STXBP5L: variants seen among roughly 807,000 people sequenced by gnomAD.
STXBP5L encodes syntaxin-binding protein 5-like.
A neutral mutation model predicts 144.5 loss-of-function variants in STXBP5L; 65 were observed. That is an observed-to-expected ratio of 0.45 (90% CI 0.37 to 0.55). The LOEUF (loss-of-function observed/expected upper bound fraction) is 0.55, where lower values mean the gene tolerates loss of function less well. STXBP5L is among the 20% of genes least tolerant of loss of function. The pLI, the probability that STXBP5L is intolerant of heterozygous loss-of-function variation, is 0.00. For missense variants in STXBP5L, 1,298 were observed against 1,405.5 expected, an observed-to-expected ratio of 0.92 and a Z score of 1.22; for synonymous variants, 505 against 469.6, an observed-to-expected ratio of 1.08 and a Z score of -0.97.
chr3:120,997,112 G>T (rs1310781657), intron 3 of STXBP5L, among the ~76,000 whole-genome samples: 2 of 149,500 alleles, frequency 1.3e-5, no homozygotes, highest in Admixed American at 6.9e-5. Flanking sequence ...CCATGTTACT[G>T]CAAAGGAAAT....
intron 5 of STXBP5L, among the ~76,000 whole-genome samples, chr3:121,108,027 T>C (rs1397446558): frequency 6.6e-6 from 1 of 152,190 alleles, no homozygotes. Context: ...CTGTTGTTGG[T>C]ATATAGGAAT....
At chr3:121,261,879 C>A (rs1009854778) in intron 18 of STXBP5L, among the ~76,000 whole-genome samples, 16 of 152,120 alleles carry the variant, frequency 1.1e-4, no homozygotes, top group African/African-American at 2.7e-4. Flanking sequence ...AACAAAATAT[C>A]TTACAAATTG....
chr3:121,024,829 A>T (rs1945810447), intron 3 of STXBP5L, among the ~76,000 whole-genome samples: 1 of 152,176 alleles, frequency 6.6e-6, no homozygotes. Context: ...AGACAACAAA[A>T]ATAGTGCATA....
intron 5 of STXBP5L, among the ~76,000 whole-genome samples, chr3:121,104,874 T>TA (rs1263963577): frequency 3.3e-5 from 5 of 151,860 alleles, no homozygotes; most frequent in Non-Finnish European, 7.4e-5. Flanking sequence ...AAAAGAAAGA[T>TA]AAATAGATGG....
chr3:121,018,079 AAATGAATG>A (rs767430655), intron 3 of STXBP5L, among the ~76,000 whole-genome samples: 3 of 148,980 alleles, frequency 2.0e-5, no homozygotes, highest in Non-Finnish European at 4.4e-5. Context: ...GCCCTTTTTC[AAATGAATG>A]AATGAATGAA....
intron 8 of STXBP5L, 95 bp downstream of exon 8, chr3:121,152,655 T>C: frequency 1.1e-6 from 1 of 874,886 alleles, no homozygotes; most frequent in Admixed American, 3.0e-5. Flanking sequence ...TGTTTAGCCT[T>C]GGAAAGTTGC....
intron 9 of STXBP5L, among the ~76,000 whole-genome samples, chr3:121,165,666 G>C (rs944222234): frequency 2.0e-5 from 3 of 151,986 alleles, no homozygotes; most frequent in Non-Finnish European, 4.4e-5. Context: ...AGGGAAACAA[G>C]GACTCTCAGC....
chr3:121,171,557 C>A (rs984231778), intron 9 of STXBP5L, among the ~76,000 whole-genome samples: 1 of 151,184 alleles, frequency 6.6e-6, no homozygotes, highest in South Asian at 2.1e-4. Context: ...TTCCTATACA[C>A]CAATAATAGA....
intron 8 of STXBP5L, among the ~76,000 whole-genome samples, chr3:121,153,359 C>G (rs1577071599): frequency 6.6e-6 from 1 of 151,890 alleles, no homozygotes; most frequent in East Asian, 1.9e-4. Flanking sequence ...ATCATCTGTG[C>G]TATTAATTCA....
intron 5 of STXBP5L, among the ~76,000 whole-genome samples, chr3:121,054,456 T>C (rs1948293519): frequency 2.0e-5 from 3 of 151,872 alleles, no homozygotes; most frequent in Non-Finnish European, 4.4e-5. Context: ...TGGATTAAAC[T>C]GGAAACCATC....
chr3:121,392,770 C>CATATATATATATAT (rs71133531), intron 22 of STXBP5L, among the ~76,000 whole-genome samples: 5 of 112,384 alleles, frequency 4.4e-5, no homozygotes, highest in Non-Finnish European at 7.1e-5. Context: ...TATTTCATGG[C>CATATATATATATAT]ATATATATAT....
intron 3 of STXBP5L, among the ~76,000 whole-genome samples, chr3:121,008,242 A>G (rs1006472909): frequency 2.6e-5 from 4 of 151,940 alleles, no homozygotes; most frequent in African/African-American, 9.7e-5. Flanking sequence ...AGCCCCTCAT[A>G]ATAATCAGGG....
At chr3:121,258,677 AG>A (rs1180890301) in intron 17 of STXBP5L, among the ~76,000 whole-genome samples, 1 of 152,192 alleles carries the variant, frequency 6.6e-6, no homozygotes, top group Non-Finnish European at 1.5e-5. Context: ...ACTGGAGGGT[AG>A]GTTAATGGTC....
At chr3:120,978,503 G>A (rs1211410850) in intron 3 of STXBP5L, among the ~76,000 whole-genome samples, 2 of 152,074 alleles carry the variant, frequency 1.3e-5, no homozygotes, top group Non-Finnish European at 2.9e-5. Flanking sequence ...TCCTCCTGTA[G>A]CTCGGAGTAG....
intron 20 of STXBP5L, among the ~76,000 whole-genome samples, chr3:121,337,647 TAATC>T (rs2044556832): frequency 6.6e-6 from 1 of 152,110 alleles, no homozygotes; most frequent in African/African-American, 2.4e-5. Flanking sequence ...ACTAGACAGA[TAATC>T]AAGGCAGAAA....
intron 3 of STXBP5L, among the ~76,000 whole-genome samples, chr3:120,967,337 A>T (rs1469861210): frequency 6.6e-6 from 1 of 152,144 alleles, no homozygotes; most frequent in Admixed American, 6.5e-5. Flanking sequence ...GAGATTAAGC[A>T]GGTACCTCAG....
At chr3:121,414,724 G>A (rs960822011) in intron 24 of STXBP5L, among the ~76,000 whole-genome samples, 2 of 152,340 alleles carry the variant, frequency 1.3e-5, no homozygotes, top group Admixed American at 6.5e-5. Flanking sequence ...AGAATTAGTC[G>A]AGTAGATCTT....
intron 20 of STXBP5L, among the ~76,000 whole-genome samples, chr3:121,321,705 T>C (rs2043976445): frequency 1.3e-5 from 2 of 152,182 alleles, no homozygotes; most frequent in African/African-American, 4.8e-5. Flanking sequence ...CCTGTAGGTA[T>C]CTGTTTGGGA....
At chr3:121,183,905 T>C (rs2047263271) in intron 9 of STXBP5L, among the ~76,000 whole-genome samples, 1 of 151,938 alleles carries the variant, frequency 6.6e-6, no homozygotes, top group South Asian at 2.1e-4. Flanking sequence ...CCTCCGCTGG[T>C]GATACCCAGG....
Sources: allele counts gnomAD v4.1 joint callset (sites outside exome capture counted in the v4.1 genomes callset), GRCh38; gene constraint gnomAD v4.1.1; transcripts MANE v1.5; gene names NCBI Gene and HGNC (gene_info 2026-07-23, HGNC 2026-07-21).